Variants in SYNDIG1 observed in about 807,000 individuals in gnomAD.
The protein encoded by SYNDIG1 is synapse differentiation inducing 1.
Under a neutral mutation model 19.4 loss-of-function variants are expected in SYNDIG1, and 9 were observed. The observed-to-expected ratio is 0.46, with a 90% CI of 0.28 to 0.81. The LOEUF is 0.81. Among genes scored for constraint, SYNDIG1 ranks in the 30% least tolerant of loss-of-function variants. SYNDIG1 has a pLI of 0.12. For missense variants in SYNDIG1, 311 were observed against 343.3 expected, an observed-to-expected ratio of 0.91 and a Z score of 0.74; for synonymous variants, 141 against 145.9, an observed-to-expected ratio of 0.97 and a Z score of 0.24.
chr20:24,629,491 C>A (rs529912410), intron 3 of SYNDIG1, among the ~76,000 whole-genome samples: 1 of 152,062 alleles, frequency 6.6e-6, no homozygotes, highest in African/African-American at 2.4e-5. Flanking sequence ...AGGAGGGAGG[C>A]AGAGGAGGAG....
At position 24,557,378 on chromosome 20, in the gene SYNDIG1, G is replaced by T. The variant is rs541745150; in HGVS notation, c.480+13801G>T. Among the ~76,000 whole-genome samples the T allele has an allele frequency of 5.9e-5, 9 of 152,288 alleles. No homozygotes were observed. The South Asian group carries it at 1.9e-3, about 32-fold the overall frequency. ...TGCGTTCCTTTGGAGGAGGAGAGGC[G>T]CTCTGCTTTTTAGAGTTTCCAGTCT... is the stretch of plus-strand genomic sequence containing the variant. On this transcript the variant is annotated intron_variant, in intron 2 of 3. Transcript: ENST00000376862.
At chr20:24,514,538 A>G (rs1282273818) in intron 1 of SYNDIG1, among the ~76,000 whole-genome samples, 2 of 152,256 alleles carry the variant, frequency 1.3e-5, no homozygotes, top group African/African-American at 2.4e-5. Flanking sequence ...AGGCCATTAC[A>G]TAATGGTAAA....
chr20:24,584,823 C>T, intron 2 of SYNDIG1, 33 bp from the exon 3 acceptor site: 1 of 1,613,924 alleles, frequency 6.2e-7, no homozygotes, highest in Non-Finnish European at 8.5e-7. Context: ...TTAATCTTCT[C>T]TCCTGTCCTG....
intron 1 of SYNDIG1, among the ~76,000 whole-genome samples, chr20:24,522,678 A>G (rs765399640): frequency 1.3e-5 from 2 of 152,030 alleles, no homozygotes; most frequent in South Asian, 2.1e-4. Flanking sequence ...GTGTTGCTGT[A>G]AGGGAATACC....
At chr20:24,492,119 G>A (rs185428877) in intron 1 of SYNDIG1, among the ~76,000 whole-genome samples, 3 of 152,248 alleles carry the variant, frequency 2.0e-5, no homozygotes, top group African/African-American at 4.8e-5. Context: ...CCATCTTGTC[G>A]CGTCCGTGTC....
intron 3 of SYNDIG1, among the ~76,000 whole-genome samples, chr20:24,662,184 G>C (rs1568723849): frequency 6.6e-6 from 1 of 151,644 alleles, no homozygotes; most frequent in Non-Finnish European, 1.5e-5. Flanking sequence ...AAGCACGTTT[G>C]TTCTGGCTGT....
intron 3 of SYNDIG1, among the ~76,000 whole-genome samples, chr20:24,586,308 G>A (rs148322331): frequency 1.3e-5 from 2 of 152,146 alleles, no homozygotes; most frequent in East Asian, 1.9e-4. Flanking sequence ...AGCGTCTGTC[G>A]GAGCTTCTCT....
At chr20:24,610,985 T>G (rs1404978988) in intron 3 of SYNDIG1, among the ~76,000 whole-genome samples, 5 of 152,168 alleles carry the variant, frequency 3.3e-5, no homozygotes, top group Admixed American at 6.5e-5. Flanking sequence ...TCTTCTGTCT[T>G]CGGCCAGCTC....
chr20:24,536,270 G>A (rs890512721), intron 1 of SYNDIG1, among the ~76,000 whole-genome samples: 4 of 152,160 alleles, frequency 2.6e-5, no homozygotes, highest in Non-Finnish European at 4.4e-5. Context: ...TGAAATTACC[G>A]GGGAGCCACA....
chr20:24,604,871 AT>A (rs1169058964), intron 3 of SYNDIG1, among the ~76,000 whole-genome samples: 2 of 152,134 alleles, frequency 1.3e-5, no homozygotes, highest in East Asian at 3.9e-4. Context: ...CTGGGATAAT[AT>A]TCCGTGCACC....
chr20:24,525,283 CTTCTTTT>C (rs1261389349), intron 1 of SYNDIG1, among the ~76,000 whole-genome samples: 1 of 118,046 alleles, frequency 8.5e-6, no homozygotes, highest in Non-Finnish European at 1.7e-5. Context: ...ACTTCTTCTT[CTTCTTTT>C]TTTTTTTTTT....
intron 3 of SYNDIG1, among the ~76,000 whole-genome samples, chr20:24,608,367 C>T (rs373466479): frequency 6.6e-6 from 1 of 152,196 alleles, no homozygotes; most frequent in Middle Eastern, 3.4e-3. Context: ...TTAGTAGAGA[C>T]AGGGTTTCAT....
intron 3 of SYNDIG1, among the ~76,000 whole-genome samples, chr20:24,661,476 AAGAG>A (rs2059592936): frequency 9.3e-6 from 1 of 107,870 alleles, no homozygotes; most frequent in African/African-American, 3.6e-5. Flanking sequence ...GGAGGGAGGG[AAGAG>A]GGAGGAAGAA....
chr20:24,622,252 A>T (rs191864191), intron 3 of SYNDIG1, among the ~76,000 whole-genome samples: 1 of 152,378 alleles, frequency 6.6e-6, no homozygotes, highest in Non-Finnish European at 1.5e-5. Flanking sequence ...GCTCATATGT[A>T]GATTTGACAT....
At chr20:24,471,063 TCCCTCCTACAG>T (rs1349519265) in intron 1 of SYNDIG1, among the ~76,000 whole-genome samples, 1 of 152,006 alleles carries the variant, frequency 6.6e-6, no homozygotes, top group African/African-American at 2.4e-5. Context: ...TCTGTCCGTC[TCCCTCCTACAG>T]CCCAGCGTGT....
intron 1 of SYNDIG1, among the ~76,000 whole-genome samples, chr20:24,477,539 G>A (rs1443847993): frequency 6.6e-6 from 1 of 152,124 alleles, no homozygotes; most frequent in African/African-American, 2.4e-5. Context: ...TAGACAGTGG[G>A]AACAAAGGGC....
At chr20:24,625,071 T>C (rs890539530) in intron 3 of SYNDIG1, among the ~76,000 whole-genome samples, 2 of 152,294 alleles carry the variant, frequency 1.3e-5, no homozygotes, top group East Asian at 3.9e-4. Context: ...TTTATAGCAT[T>C]AAATGCATAT....
intron 3 of SYNDIG1, among the ~76,000 whole-genome samples, chr20:24,630,916 C>T (rs767356396): frequency 6.6e-6 from 1 of 152,244 alleles, no homozygotes; most frequent in African/African-American, 2.4e-5. Flanking sequence ...CAATAAAGAA[C>T]ACTCTCTAAA....
Position 24,556,415 on chromosome 20 carries a change from A to T in SYNDIG1, c.480+12838A>T, listed in dbSNP as rs370989988. Among the ~76,000 whole-genome samples the T allele has an allele frequency of 8.5e-5, 13 of 152,218 alleles. No individual in the cohort carries two copies. In the East Asian group the frequency reaches 2.5e-3, roughly 29 times the overall value. On this transcript the variant is annotated intron_variant, in intron 2 of 3. Coordinates refer to ENST00000376862, the MANE Select transcript of SYNDIG1 (RefSeq NM_024893.3). ...CTTCCTAGCCTCGATGGTCTTTACA[A>T]TTTGGCATGATTTTGCAGGGGCTGG...
Sources: allele counts gnomAD v4.1 joint callset (sites outside exome capture counted in the v4.1 genomes callset), GRCh38; gene constraint gnomAD v4.1.1; transcripts MANE v1.5; gene names NCBI Gene and HGNC (gene_info 2026-07-23, HGNC 2026-07-21).